MCC: variants seen among roughly 807,000 people sequenced by gnomAD.
MCC encodes the protein colorectal mutant cancer protein.
In MCC, 90 loss-of-function variants were observed where a neutral mutation model predicts 116.2. The observed-to-expected ratio is 0.77, with a 90% CI of 0.65 to 0.92. The LOEUF is 0.92. Among genes scored for constraint, MCC ranks in the 40% least tolerant of loss-of-function variants. The probability of loss-of-function intolerance (pLI) is 0.00; values close to 1 mark genes in which losing one functional copy is unlikely to be tolerated. For missense variants in MCC, 1,516 were observed against 1,312.2 expected, an observed-to-expected ratio of 1.16 and a Z score of -2.40; for synonymous variants, 578 against 510.5, an observed-to-expected ratio of 1.13 and a Z score of -1.78.
At chr5:113,094,777 G>C (rs1469890226) in intron 8 of MCC, among the ~76,000 whole-genome samples, 2 of 152,168 alleles carry the variant, frequency 1.3e-5, no homozygotes, top group East Asian at 3.9e-4. Flanking sequence ...TTTCATGACA[G>C]CCAAGAGCTA....
intron 3 of MCC, among the ~76,000 whole-genome samples, chr5:113,281,089 A>C (rs1433163786): frequency 2.0e-5 from 3 of 152,242 alleles, no homozygotes; most frequent in Admixed American, 2.0e-4. Flanking sequence ...AACCTCAATA[A>C]AGTATCAGAG....
chr5:113,145,915 C>G (rs1320158584), intron 4 of MCC, among the ~76,000 whole-genome samples: 2 of 151,974 alleles, frequency 1.3e-5, no homozygotes, highest in African/African-American at 2.4e-5. Context: ...CTGGAGGATA[C>G]CTGCATGAAC....
At chr5:113,282,704 A>G (rs1329441450) in intron 3 of MCC, among the ~76,000 whole-genome samples, 1 of 152,170 alleles carries the variant, frequency 6.6e-6, no homozygotes, top group East Asian at 1.9e-4. Context: ...TACATTTCCT[A>G]CAGTAGTCCC....
chr5:113,140,293 C>G (rs193128321), intron 5 of MCC, among the ~76,000 whole-genome samples: 31 of 152,246 alleles, frequency 2.0e-4, no homozygotes, highest in Admixed American at 7.2e-4. Flanking sequence ...CAAAATAGGA[C>G]TTGCTTTATT....
At chr5:113,470,321 A>G (rs1359251995) in intron 1 of MCC, among the ~76,000 whole-genome samples, 30 of 151,914 alleles carry the variant, frequency 2.0e-4, no homozygotes, top group Non-Finnish European at 3.4e-4. Context: ...GGCTGGTACC[A>G]GTTGTTCCTT....
intron 3 of MCC, among the ~76,000 whole-genome samples, chr5:113,248,892 ATC>A (rs1358739961): frequency 2.2e-5 from 3 of 138,296 alleles, no homozygotes; most frequent in Non-Finnish European, 3.1e-5. Flanking sequence ...CAGCGGCATG[ATC>A]TCAGCTCACT....
chr5:113,062,084 C>T (rs73778906), intron 14 of MCC, among the ~76,000 whole-genome samples: 5,504 of 152,094 alleles, frequency 0.036, 138 homozygotes, highest in African/African-American at 0.066. Flanking sequence ...CTGATTTGGG[C>T]GGGAGGGTAA....
chr5:113,041,497 C>A (rs1751701364), intron 17 of MCC, among the ~76,000 whole-genome samples: 1 of 152,162 alleles, frequency 6.6e-6, no homozygotes, highest in Admixed American at 6.6e-5. Context: ...GAAGGGGATT[C>A]AGAGGTGCTC....
intron 6 of MCC, among the ~76,000 whole-genome samples, chr5:113,111,173 C>T (rs1316627562): frequency 6.6e-6 from 1 of 152,290 alleles, no homozygotes; most frequent in South Asian, 2.1e-4. Flanking sequence ...TATGGCAGGT[C>T]CTCAAATAAC....
At chr5:113,288,887 G>A (rs767916451) in intron 3 of MCC, among the ~76,000 whole-genome samples, 12 of 151,938 alleles carry the variant, frequency 7.9e-5, no homozygotes, top group South Asian at 2.1e-4. Flanking sequence ...GGGAATAACA[G>A]AAGGCACCTC....
At chr5:113,208,261 G>A (rs79275634) in intron 3 of MCC, among the ~76,000 whole-genome samples, 3,035 of 152,188 alleles carry the variant, frequency 0.02, 43 homozygotes, top group Non-Finnish European at 0.026. Context: ...TACTTTGTAA[G>A]CTGGATAATT....
chr5:113,116,658 G>A (rs548235345), intron 6 of MCC, among the ~76,000 whole-genome samples: 3 of 152,262 alleles, frequency 2.0e-5, no homozygotes, highest in Admixed American at 6.5e-5. Flanking sequence ...AGCAGAATTT[G>A]GGGAAAATAT....
intron 1 of MCC, among the ~76,000 whole-genome samples, chr5:113,427,453 A>G (rs1770514552): frequency 6.6e-6 from 1 of 152,208 alleles, no homozygotes; most frequent in African/African-American, 2.4e-5. Context: ...CAGTACAGGA[A>G]ACAAAACTCT....
chr5:113,028,595 A>G (rs1021760117), intron 18 of MCC, among the ~76,000 whole-genome samples: 3 of 152,160 alleles, frequency 2.0e-5, no homozygotes, highest in African/African-American at 7.2e-5. Context: ...TCCATGGCTA[A>G]TTTTGTTTGG....
In MCC at chr5:113,221,713, C is replaced by A. The variant is rs898706371; in HGVS notation, c.628-70291G>T. ...TGGTCTTGTGGACCTGACTGAGGAACTGACTCAGTGCAAGAGGTCAGCTTC... is the reference window on the plus strand; with the variant it reads ...TGGTCTTGTGGACCTGACTGAGGAAATGACTCAGTGCAAGAGGTCAGCTTC... On this transcript the variant is annotated intron_variant, in intron 3 of 18. Coordinates refer to ENST00000408903, the MANE Select transcript of MCC (RefSeq NM_001085377.2). 2.0e-5 allele frequency among the ~76,000 whole-genome samples: 3 copies of A among 152,338 alleles called. 1 individual carries two copies. In the South Asian group the frequency reaches 6.2e-4, roughly 32 times the overall value.
At chr5:113,319,454 G>T (rs929770866) in intron 3 of MCC, among the ~76,000 whole-genome samples, 1 of 152,182 alleles carries the variant, frequency 6.6e-6, no homozygotes, top group Non-Finnish European at 1.5e-5. Context: ...GCCATGTGGT[G>T]TGCCACCTGT....
chr5:113,091,060 C>G (rs1258081062), intron 8 of MCC, among the ~76,000 whole-genome samples: 1 of 152,192 alleles, frequency 6.6e-6, no homozygotes. Flanking sequence ...TGCCTCACGC[C>G]TGGAGCCTCT....
At chr5:113,275,965 G>GTTTT (rs1194323460) in intron 3 of MCC, among the ~76,000 whole-genome samples, 5 of 121,032 alleles carry the variant, frequency 4.1e-5, no homozygotes, top group African/African-American at 6.7e-5. Flanking sequence ...GATTTCACTT[G>GTTTT]TTTTGTTTTT....
intron 3 of MCC, among the ~76,000 whole-genome samples, chr5:113,200,014 A>G (rs1762604446): frequency 6.6e-6 from 1 of 152,196 alleles, no homozygotes; most frequent in Non-Finnish European, 1.5e-5. Flanking sequence ...CACTAGAATG[A>G]TGGCTCCTAG....
Sources: allele counts gnomAD v4.1 joint callset (sites outside exome capture counted in the v4.1 genomes callset), GRCh38; gene constraint gnomAD v4.1.1; transcripts MANE v1.5; gene names NCBI Gene and HGNC (gene_info 2026-07-23, HGNC 2026-07-21).